Variants in FSTL5 observed in about 807,000 individuals in gnomAD.
FSTL5 encodes follistatin-related protein 5.
FSTL5 carries 62 observed loss-of-function variants against 89.1 expected under a neutral mutation model. The observed-to-expected ratio is 0.70, with a 90% CI of 0.57 to 0.86. The LOEUF is 0.86. Ranked by LOEUF, FSTL5 falls within the 40% of genes least tolerant of loss-of-function variation. The pLI, the probability that FSTL5 is intolerant of heterozygous loss-of-function variation, is 0.00. For missense variants in FSTL5, 1,057 were observed against 1,001.6 expected, an observed-to-expected ratio of 1.06 and a Z score of -0.75; for synonymous variants, 383 against 346.2, an observed-to-expected ratio of 1.11 and a Z score of -1.18.
intron 2 of FSTL5, among the ~76,000 whole-genome samples, chr4:162,048,237 G>T (rs1738262078): frequency 6.6e-6 from 1 of 152,122 alleles, no homozygotes; most frequent in African/African-American, 2.4e-5. Flanking sequence ...TGAGGCAGGA[G>T]AATTGCTTGA....
chr4:161,902,982 G>T (rs987028812), intron 4 of FSTL5, among the ~76,000 whole-genome samples: 6 of 152,078 alleles, frequency 3.9e-5, no homozygotes, highest in Admixed American at 3.9e-4. Context: ...ACTGCTTTTA[G>T]ATGTTTGAAT....
chr4:161,585,614 C>A (rs1368048794), intron 8 of FSTL5, among the ~76,000 whole-genome samples: 1 of 143,564 alleles, frequency 7.0e-6, no homozygotes, highest in Non-Finnish European at 1.5e-5. Flanking sequence ...AAAGGCAGGG[C>A]ATTAATCTTG....
intron 4 of FSTL5, among the ~76,000 whole-genome samples, chr4:161,831,272 C>G (rs1231782521): frequency 6.6e-6 from 1 of 151,724 alleles, no homozygotes; most frequent in East Asian, 1.9e-4. Context: ...TTTAGTCATT[C>G]TAAAACTCCA....
intron 6 of FSTL5, among the ~76,000 whole-genome samples, chr4:161,701,093 A>T (rs1201515937): frequency 6.6e-6 from 1 of 152,198 alleles, no homozygotes. Context: ...TAGAAATTAA[A>T]ACTGAATTAA....
chr4:162,078,074 A>C (rs962370974), intron 2 of FSTL5, among the ~76,000 whole-genome samples: 4 of 151,874 alleles, frequency 2.6e-5, no homozygotes, highest in Non-Finnish European at 5.9e-5. Flanking sequence ...GCATCTGTAC[A>C]TAGATGGACC....
intron 6 of FSTL5, among the ~76,000 whole-genome samples, chr4:161,742,555 C>A (rs1258094437): frequency 6.6e-6 from 1 of 152,112 alleles, no homozygotes; most frequent in Non-Finnish European, 1.5e-5. Context: ...GTTAGAAAAA[C>A]AGAAATATGA....
At position 161,846,279 on chromosome 4, in the gene FSTL5, T is replaced by G. The variant is rs144951958; in HGVS notation, c.410-70205A>C. Among the ~76,000 whole-genome samples the G allele has an allele frequency of 5.1e-3, 778 of 152,266 alleles. 9 individuals are homozygous for G. The highest frequency in any genetic ancestry group is 0.018 in the African/African-American group (735 of 41,554). ...TTGTATTTTCATAGTGTCTTCTTTGTTCAAAATTATGTAATTTTACCATAT... is the reference window on the plus strand; with the variant it reads ...TTGTATTTTCATAGTGTCTTCTTTGGTCAAAATTATGTAATTTTACCATAT... On this transcript the variant is annotated intron_variant, in intron 4 of 15. Coordinates refer to ENST00000306100, the MANE Select transcript of FSTL5 (RefSeq NM_020116.5).
Position 161,947,946 on chromosome 4 carries a change from T to A in FSTL5, c.161-27294A>T, listed in dbSNP as rs149174421. On this transcript the variant is annotated intron_variant, in intron 3 of 15. Coordinates refer to ENST00000306100, the MANE Select transcript of FSTL5 (RefSeq NM_020116.5). ...TAGGTATTTGATGTTAAAGCCATTT[T>A]AAATGTTATTTTACCTTATTTTATT... Among the ~76,000 whole-genome samples, 7 of 152,224 alleles carry A rather than the reference T, an allele frequency of 4.6e-5. No homozygotes were observed. The East Asian group carries it at 1.4e-3, about 29-fold the overall frequency.
intron 3 of FSTL5, chr4:162,032,469 G>GA (rs1489012310): frequency 6.6e-6 from 1 of 152,134 alleles, no homozygotes; most frequent in Non-Finnish European, 1.5e-5. Context: ...AAAATGCACA[G>GA]AAATAGTTTG....
chr4:161,538,750 C>T (rs1480085822), intron 9 of FSTL5, among the ~76,000 whole-genome samples: 4 of 151,828 alleles, frequency 2.6e-5, no homozygotes, highest in Non-Finnish European at 5.9e-5. Context: ...TATACTATTG[C>T]CATTCATCAA....
intron 4 of FSTL5, among the ~76,000 whole-genome samples, chr4:161,895,179 T>G (rs1239583368): frequency 6.6e-6 from 1 of 152,224 alleles, no homozygotes; most frequent in Admixed American, 6.5e-5. Context: ...TTAAACTTAC[T>G]CTCGTGCCCC....
chr4:161,416,833 A>G (rs1481782995), intron 15 of FSTL5, among the ~76,000 whole-genome samples: 1 of 148,368 alleles, frequency 6.7e-6, no homozygotes, highest in East Asian at 2.0e-4. Flanking sequence ...TGACAGAGCG[A>G]GACTCCATCT....
At chr4:161,454,371 C>T (rs541716404) in intron 15 of FSTL5, among the ~76,000 whole-genome samples, 5 of 152,118 alleles carry the variant, frequency 3.3e-5, no homozygotes, top group Non-Finnish European at 4.4e-5. Context: ...GCATTTAAAC[C>T]TCTTCTATAA....
intron 4 of FSTL5, among the ~76,000 whole-genome samples, chr4:161,808,009 G>T (rs1730020461): frequency 6.6e-6 from 1 of 152,078 alleles, no homozygotes; most frequent in Non-Finnish European, 1.5e-5. Flanking sequence ...TTACTGAGTA[G>T]AAGAAAAGGA....
At chr4:161,456,308 T>C (rs566038225) in intron 14 of FSTL5, among the ~76,000 whole-genome samples, 1 of 152,198 alleles carries the variant, frequency 6.6e-6, no homozygotes, top group Non-Finnish European at 1.5e-5. Context: ...ATAAATAAAT[T>C]ATGATAAATC....
chr4:161,704,263 C>T (rs1392835652), intron 6 of FSTL5, among the ~76,000 whole-genome samples: 1 of 152,116 alleles, frequency 6.6e-6, no homozygotes, highest in Admixed American at 6.6e-5. Flanking sequence ...TTCGAGTTGT[C>T]CCGCCTTTCC....
At chr4:161,584,626 T>C (rs1560965911) in intron 8 of FSTL5, among the ~76,000 whole-genome samples, 7 of 152,172 alleles carry the variant, frequency 4.6e-5, no homozygotes. Flanking sequence ...GTGTTCTTGA[T>C]TTTTTCACTT....
At chr4:161,690,629 G>T (rs923118862) in intron 6 of FSTL5, among the ~76,000 whole-genome samples, 1 of 151,938 alleles carries the variant, frequency 6.6e-6, no homozygotes, top group African/African-American at 2.4e-5. Context: ...TAATAACATT[G>T]GATCATTAAA....
chr4:161,872,201 C>T (rs1206628514), intron 4 of FSTL5, among the ~76,000 whole-genome samples: 5 of 135,866 alleles, frequency 3.7e-5, no homozygotes, highest in Admixed American at 1.7e-4. Context: ...TGGTCTCGAA[C>T]TCCTGGGCTG....
Sources: gnomAD v4.1 joint callset for allele counts (sites outside exome capture counted in the v4.1 genomes callset) on GRCh38, gnomAD v4.1.1 for gene constraint, MANE v1.5 for transcripts, NCBI Gene and HGNC (gene_info 2026-07-23, HGNC 2026-07-21) for gene names.